ANKRD28: variants seen among roughly 807,000 people sequenced by gnomAD.
The protein encoded by ANKRD28 is serine/threonine-protein phosphatase 6 regulatory ankyrin repeat subunit A.
ANKRD28 carries 44 observed loss-of-function variants against 126.5 expected under a neutral mutation model. The observed-to-expected ratio is 0.35, with a 90% CI of 0.27 to 0.45. The LOEUF is 0.45. Among genes scored for constraint, ANKRD28 ranks in the 20% least tolerant of loss-of-function variants. The probability of loss-of-function intolerance (pLI) is 1.00; values close to 1 mark genes in which losing one functional copy is unlikely to be tolerated. For missense variants in ANKRD28, 1,110 were observed against 1,316.6 expected (o/e 0.84, Z 2.43); for synonymous variants, 442 against 468.5 (o/e 0.94, Z 0.73).
rs1019074720 is a variant in ANKRD28, at chr3:15,704,251, C to T, written c.1547+3673G>A. On this transcript the variant is annotated intron_variant, in intron 14 of 27. Transcript: ENST00000683139. ...TTGCTGAATGACTGTCTACCAAGAA[C>T]GCAGGCATCAGGACAATGGGGGTAA... 2.6e-5 allele frequency among the ~76,000 whole-genome samples: 4 copies of T among 151,818 alleles called. 1 individual carries two copies. The highest frequency in any genetic ancestry group is 9.7e-5 in the African/African-American group (4 of 41,308).
rs1319124138 is a variant in ANKRD28, at chr3:15,697,327, A to G, written c.1548-1082T>C. The G allele has an allele frequency of 3.3e-5, 5 of 152,668 alleles. No individual in the cohort carries two copies. The Admixed American group carries it at 3.3e-4, about 10-fold the overall frequency. 9.5% of individuals were successfully genotyped at this position (152,668 alleles called of 1,614,324 possible). A position where few individuals can be genotyped will look rare whatever the true frequency, so the allele number is the denominator to read the frequency against. ...CCCAATATGTAGTCTTTTATCCATC[A>G]TATTTTACTCCATGTGAGGGATAAA... On this transcript the variant is annotated intron_variant, in intron 14 of 27. Transcript: ENST00000683139.
intron 20 of ANKRD28, 29 bp from the exon 21 acceptor site, chr3:15,685,474 A>G: frequency 6.2e-7 from 1 of 1,603,064 alleles, no homozygotes; most frequent in Non-Finnish European, 8.5e-7. Context: ...AAGGTAGTCA[A>G]ACATATTATG....
At chr3:15,790,363 G>A (rs1444117954) in intron 2 of ANKRD28, among the ~76,000 whole-genome samples, 7 of 151,798 alleles carry the variant, frequency 4.6e-5, no homozygotes, top group African/African-American at 9.7e-5. Context: ...GGCCAGTATC[G>A]CTGATGAGTA....
intron 27 of ANKRD28, among the ~76,000 whole-genome samples, chr3:15,674,042 C>A (rs1472809278): frequency 6.6e-6 from 1 of 151,340 alleles, no homozygotes; most frequent in Non-Finnish European, 1.5e-5. Context: ...CCTGGTGATG[C>A]ATACTTATAG....
At chr3:15,691,776 T>C (rs2068832863) in intron 17 of ANKRD28, among the ~76,000 whole-genome samples, 1 of 152,170 alleles carries the variant, frequency 6.6e-6, no homozygotes, top group Non-Finnish European at 1.5e-5. Context: ...CAATGAAAAT[T>C]ATGCTACTGA....
intron 4 of ANKRD28, among the ~76,000 whole-genome samples, chr3:15,738,002 C>T (rs1481310909): frequency 6.6e-6 from 1 of 151,950 alleles, no homozygotes; most frequent in Non-Finnish European, 1.5e-5. Context: ...GGATTTATCT[C>T]CCAGAAGCGC....
intron 26 of ANKRD28, 154 bp downstream of exon 26, chr3:15,676,820 C>A (rs2066986822): frequency 1.1e-5 from 6 of 529,304 alleles, no homozygotes; most frequent in Non-Finnish European, 3.3e-6. Context: ...TAGTTGTGAT[C>A]ATTTTAGAAA....
At chr3:15,737,702 G>C (rs1238700712) in intron 4 of ANKRD28, among the ~76,000 whole-genome samples, 6 of 152,090 alleles carry the variant, frequency 3.9e-5, no homozygotes, top group Non-Finnish European at 8.8e-5. Flanking sequence ...CTGGCCTCAA[G>C]TGATCCTCCT....
At chr3:15,750,155 A>C (rs2057769987) in intron 4 of ANKRD28, among the ~76,000 whole-genome samples, 1 of 152,210 alleles carries the variant, frequency 6.6e-6, no homozygotes, top group South Asian at 2.1e-4. Context: ...AACTTCTGCA[A>C]ATATATAAAT....
intron 5 of ANKRD28, 32 bp downstream of exon 5, chr3:15,737,001 G>T (rs762845086): frequency 6.2e-7 from 1 of 1,607,254 alleles, no homozygotes; most frequent in South Asian, 1.1e-5. Flanking sequence ...CAGGAGGAGA[G>T]AAAAATAATG....
Position 15,751,770 on chromosome 3 carries a change from C to T in ANKRD28, c.331G>A (p.Ala111Thr). Residue 111 changes from alanine (A) to threonine (T), a missense_variant, in exon 4 of 28, where the codon GCA becomes ACA. Coordinates refer to ENST00000683139, the MANE Select transcript of ANKRD28 (RefSeq NM_001349278.2). ...CATACCTCACTACAAGATGCAACTG[C>T]TCTGTGTAAAGGTGTCAACCATTTG... is the stretch of plus-strand genomic sequence containing the variant. Reference protein sequence around the residue: ...DSKWLTPLHRAVASCSEEAVQ... With the variant: ...DSKWLTPLHRTVASCSEEAVQ... The T allele has an allele frequency of 6.3e-7, 1 of 1,588,508 alleles. No homozygotes were observed.
At chr3:15,746,396 T>C (rs1236684768) in intron 4 of ANKRD28, among the ~76,000 whole-genome samples, 1 of 152,238 alleles carries the variant, frequency 6.6e-6, no homozygotes, top group African/African-American at 2.4e-5. Context: ...TATGCTGATG[T>C]TGCTGACAGT....
intron 6 of ANKRD28, among the ~76,000 whole-genome samples, chr3:15,730,911 G>A (rs769749242): frequency 1.2e-4 from 19 of 152,130 alleles, no homozygotes; most frequent in Non-Finnish European, 2.5e-4. Context: ...CTGTCCTCAC[G>A]AACATATCAA....
Position 15,832,274 on chromosome 3 carries a change from T to G in ANKRD28, c.27+27103A>C, listed in dbSNP as rs2061221003. ...TACATTCAAAGTTAAATGTGGTAAG[T>G]GAAAATATTATTTTGCATTTTATTA... is the stretch of plus-strand genomic sequence containing the variant. On this transcript the variant is annotated intron_variant, in intron 1 of 27. Coordinates refer to the ANKRD28 transcript ENST00000399451. Among the ~76,000 whole-genome samples, 4 of 152,334 alleles carry G rather than the reference T, an allele frequency of 2.6e-5. No individual in the cohort carries two copies. In the South Asian group the frequency reaches 8.3e-4, roughly 32 times the overall value.
At chr3:15,842,951 G>C (rs537125389) in intron 1 of ANKRD28, among the ~76,000 whole-genome samples, 89 of 152,164 alleles carry the variant, frequency 5.8e-4, no homozygotes, top group Non-Finnish European at 1.0e-3. Flanking sequence ...AACAAGCCTT[G>C]TTAAGGCTAA....
At chr3:15,745,547 A>T (rs935737464) in intron 4 of ANKRD28, among the ~76,000 whole-genome samples, 2 of 151,912 alleles carry the variant, frequency 1.3e-5, no homozygotes, top group African/African-American at 2.4e-5. Context: ...TCTGGGTTCT[A>T]TTTCTGTTCC....
At chr3:15,739,811 A>C (rs529146926) in intron 4 of ANKRD28, among the ~76,000 whole-genome samples, 14 of 152,356 alleles carry the variant, frequency 9.2e-5, no homozygotes, top group Non-Finnish European at 1.8e-4. Flanking sequence ...CCAGTACTTA[A>C]CAGGGATGGC....
At chr3:15,750,701 T>A (rs1034260403) in intron 4 of ANKRD28, among the ~76,000 whole-genome samples, 1 of 152,166 alleles carries the variant, frequency 6.6e-6, no homozygotes, top group Admixed American at 6.5e-5. Flanking sequence ...TAGTTCACAA[T>A]GAGGAATACA....
Position 15,686,277 on chromosome 3 carries a change from A to G in ANKRD28, c.1996T>C (p.Leu666=), listed in dbSNP as rs748917254. ...TTCTGTGGTTCTGCATTTCCTATTA[A>G]TAGCCGTAAGCATTCTGAATGACCA... The part of the protein sequence containing the change: ...TNGHSECLRL[L]IGNAEPQNAV... The change falls in exon 19 of 28, where the codon TTA becomes CTA. Residue 666 remains leucine, a synonymous_variant. Transcript: ENST00000683139. 2.5e-6 allele frequency: 4 copies of G among 1,590,088 alleles called. No homozygotes were observed. The highest frequency in any genetic ancestry group is 1.1e-5 in the South Asian group (1 of 87,546).
Sources: allele counts gnomAD v4.1 joint callset (sites outside exome capture counted in the v4.1 genomes callset), GRCh38; gene constraint gnomAD v4.1.1; transcripts MANE v1.5; gene names NCBI Gene and HGNC (gene_info 2026-07-23, HGNC 2026-07-21).